The following SYNJ2 variants were observed in gnomAD, a reference collection of about 807,000 sequenced individuals.
SYNJ2 encodes polyphosphatidylinositol phosphatase SYNJ2.
A neutral mutation model predicts 141.3 loss-of-function variants in SYNJ2; 116 were observed. The ratio of observed to expected loss-of-function variants is 0.82; its 90% confidence interval spans 0.71 to 0.96. The LOEUF is 0.96. SYNJ2 is among the 40% of genes least tolerant of loss of function. The probability of loss-of-function intolerance (pLI) is 0.00; values close to 1 mark genes in which losing one functional copy is unlikely to be tolerated. For missense variants in SYNJ2, 1,873 were observed against 1,934.8 expected (o/e 0.97, Z 0.60); for synonymous variants, 745 against 777.7 (o/e 0.96, Z 0.70).
Position 158,081,203 on chromosome 6 carries a change from C to T in SYNJ2, c.2662C>T (p.Leu888=), listed in dbSNP as rs1367942678. 1.2e-6 allele frequency: 2 copies of T among 1,614,046 alleles called. No homozygotes were observed. The highest frequency in any genetic ancestry group is 4.5e-5 in the East Asian group (2 of 44,898). ...FQEVSSFQGP[L]DATVVVNLQS... is the part of the protein sequence containing the mutation. ...GGAAGTGTCCTCCTTCCAGGGCCCC[C>T]TGGATGCCACTGTTGTAGTAAACCT... The change falls in exon 19 of 27, where the codon CTG becomes TTG. Residue 888 remains leucine, a synonymous_variant. Transcript: ENST00000355585.
intron 7 of SYNJ2, chr6:158,059,561 T>C (rs1186129767): frequency 3.2e-5 from 26 of 818,278 alleles, no homozygotes; most frequent in East Asian, 2.6e-4. Context: ...CTTTTCTTTT[T>C]TTTTTTTTTT....
intron 2 of SYNJ2, among the ~76,000 whole-genome samples, chr6:158,021,021 C>G (rs1200255284): frequency 6.6e-6 from 1 of 152,168 alleles, no homozygotes; most frequent in Non-Finnish European, 1.5e-5. Context: ...CCGTGATTAG[C>G]CAGGGAGTCA....
chr6:158,016,782 C>T (rs1778476504), intron 1 of SYNJ2, among the ~76,000 whole-genome samples: 1 of 152,178 alleles, frequency 6.6e-6, no homozygotes, highest in East Asian at 1.9e-4. Context: ...TACTCAGGCA[C>T]CTCTGCCCAG....
chr6:157,997,026 C>T (rs79147239), intron 1 of SYNJ2, among the ~76,000 whole-genome samples: 3 of 132,624 alleles, frequency 2.3e-5, no homozygotes, highest in African/African-American at 9.1e-5. Flanking sequence ...CCACCTACCC[C>T]ACCCCCCCCC....
intron 6 of SYNJ2, 102 bp downstream of exon 6, chr6:158,055,130 T>C (rs1412661791): frequency 1.6e-6 from 2 of 1,226,790 alleles, no homozygotes; most frequent in Admixed American, 2.1e-5. Context: ...GGGAGGACCC[T>C]GAACCCTGAA....
intron 22 of SYNJ2, among the ~76,000 whole-genome samples, 169 bp from the exon 23 acceptor site, chr6:158,086,680 GCCCTCC>G (rs1432317287): frequency 1.3e-5 from 2 of 152,112 alleles, no homozygotes; most frequent in Admixed American, 6.5e-5. Flanking sequence ...GGCACTGGGT[GCCCTCC>G]CCGCCCCCGC....
intron 9 of SYNJ2, 75 bp downstream of exon 9, chr6:158,063,947 A>C (rs1013717114): frequency 1.3e-6 from 2 of 1,499,286 alleles, no homozygotes; most frequent in African/African-American, 2.8e-5. Context: ...TGGGCTGAGC[A>C]CCTTTAGCGG....
rs1779178963 is a variant in SYNJ2, at chr6:158,028,473, C to G, written c.215-283C>G. On this transcript the variant is annotated intron_variant, in intron 2 of 26. Transcript: ENST00000355585. Reference sequence around the variant, plus strand: ...AGGGCTTGTTAAAGCAAAGCTTGCCCCCAGCCTCAGGCAGCTGGGCGGCAG... The same window carrying G: ...AGGGCTTGTTAAAGCAAAGCTTGCCGCCAGCCTCAGGCAGCTGGGCGGCAG... The G allele has an allele frequency of 8.3e-6, 4 of 482,438 alleles. No homozygotes were observed. The Admixed American group carries it at 1.4e-4, about 16-fold the overall frequency. 29.9% of individuals were successfully genotyped at this position (482,438 alleles called of 1,614,324 possible).
intron 6 of SYNJ2, among the ~76,000 whole-genome samples, chr6:158,055,737 T>C (rs939305208): frequency 1.5e-4 from 23 of 152,336 alleles, no homozygotes; most frequent in East Asian, 9.6e-4. Context: ...TTTGAGTCCT[T>C]CTACCTGAAG....
intron 16 of SYNJ2, 92 bp downstream of exon 16, chr6:158,074,830 C>T (rs546364047): frequency 8.2e-6 from 12 of 1,459,966 alleles, no homozygotes; most frequent in African/African-American, 1.4e-5. Context: ...AATTCAGTTC[C>T]GTGAGTGGAT....
At position 158,088,781 on chromosome 6, in the gene SYNJ2, T is replaced by C. The variant is rs1171030261; in HGVS notation, c.3456+9T>C. The C allele has an allele frequency of 6.3e-7, 1 of 1,592,830 alleles. No homozygotes were observed. Among genetic ancestry groups the C allele is most frequent in the South Asian group, 1.1e-5 (1 of 90,672 alleles). ...GAGCACCTCAGCAACCTGTGAGTTC[T>C]TCTGCATACATTTCAATCCCAAGGG... On this transcript the variant is annotated intron_variant, in intron 24 of 26. Coordinates refer to ENST00000355585, the MANE Select transcript of SYNJ2 (RefSeq NM_003898.4).
In SYNJ2 at chr6:158,095,766, C is replaced by T. The variant is rs753310290; in HGVS notation, c.3893C>T (p.Ala1298Val). ...KPRTFQPGKA[A>V]ERPSHRKPAS... ...AGAACATTTCAGCCTGGGAAAGCTG[C>T]AGAGAGGCCAAGCCACAGGAAGCCA... is the stretch of plus-strand genomic sequence containing the variant. Residue 1298 changes from alanine (A) to valine (V), a missense_variant, in exon 27 of 27, where the codon GCA (alanine) becomes GTA (valine). Physicochemically the swap from Ala to Val is moderately conservative, Grantham distance 64. Coordinates refer to ENST00000355585, the MANE Select transcript of SYNJ2 (RefSeq NM_003898.4). 2.7e-5 allele frequency: 44 copies of T among 1,614,066 alleles called. No individual in the cohort carries two copies. In the South Asian group the frequency reaches 4.8e-4, roughly 18 times the overall value.
chr6:158,034,900 G>A (rs771435645), intron 4 of SYNJ2, among the ~76,000 whole-genome samples: 2 of 152,132 alleles, frequency 1.3e-5, no homozygotes, highest in African/African-American at 2.4e-5. Flanking sequence ...TCTGCATATG[G>A]CTAGCCAGTT....
chr6:158,083,185 G>A lies in SYNJ2; in HGVS notation c.2866-244G>A, dbSNP rs539338838. The stretch of plus-strand genomic sequence containing the variant: ...TGACCTCAAGGGATCTACCTGCTTC[G>A]GCCTCTCAGAGTGCTGGGATTACAG... On this transcript the variant is annotated intron_variant, in intron 20 of 26. Transcript: ENST00000355585. Among the ~76,000 whole-genome samples the A allele has an allele frequency of 1.5e-4, 23 of 152,142 alleles. 1 individual carries two copies. The South Asian group carries it at 4.2e-3, about 27-fold the overall frequency.
In SYNJ2 at chr6:158,086,918, C is replaced by G. The variant is rs1783078209; in HGVS notation, c.3272C>G (p.Ser1091Cys). 1 of 1,609,392 alleles carries G rather than the reference C, an allele frequency of 6.2e-7. No homozygotes were observed. ...GCCGTCGGGGAGTTCCGCCACCGTT[C>G]TCCGAGCAGGTCTCTGTCGGTCCCC... The part of the protein sequence containing the change: ...LEAVGEFRHR[S>C]PSRSLSVPNR... The change falls in exon 23 of 27, where the codon TCT (serine) becomes TGT (cysteine). Residue 1091 changes from serine to cysteine, a missense_variant. Physicochemically the swap from Ser to Cys is moderately radical, Grantham distance 112. Coordinates refer to ENST00000355585, the MANE Select transcript of SYNJ2 (RefSeq NM_003898.4).
At chr6:158,042,516 C>T (rs1780002743) in intron 4 of SYNJ2, among the ~76,000 whole-genome samples, 1 of 152,240 alleles carries the variant, frequency 6.6e-6, no homozygotes, top group Non-Finnish European at 1.5e-5. Flanking sequence ...AGATAAAGGC[C>T]CCGCATCTGA....
Position 158,084,229 on chromosome 6 carries a change from G to A in SYNJ2, c.3208+55G>A. On this transcript the variant is annotated intron_variant, in intron 22 of 26. Transcript: ENST00000355585. This position sits in a 1 kb window ranked among gnomAD's most constrained non-coding sequence, Gnocchi z 5.0. ...TCAGCGATGGAGTCAGCTCAGGACA[G>A]ACTTTCCTTTTTCTCTTGGCGATTG... 6 of 1,563,714 alleles carry A rather than the reference G, an allele frequency of 3.8e-6. No individual in the cohort carries two copies. The highest frequency in any genetic ancestry group is 5.2e-6 in the Non-Finnish European group (6 of 1,154,400).
intron 2 of SYNJ2, among the ~76,000 whole-genome samples, chr6:158,026,538 G>A (rs1322111020): frequency 6.6e-6 from 1 of 152,088 alleles, no homozygotes; most frequent in East Asian, 1.9e-4. Flanking sequence ...GGACCCAGGA[G>A]CCCCAGTGCT....
chr6:157,989,171 A>G (rs78033690), intron 1 of SYNJ2, among the ~76,000 whole-genome samples: 1,948 of 152,168 alleles, frequency 0.013, 36 homozygotes, highest in African/African-American at 0.045. Context: ...TTCACTGGTT[A>G]AATAAACTTT....
Sources: gnomAD v4.1 joint callset for allele counts (sites outside exome capture counted in the v4.1 genomes callset) on GRCh38, gnomAD v4.1.1 for gene constraint, Gnocchi (gnomAD v3.1) non-coding constraint, MANE v1.5 for transcripts, NCBI Gene and HGNC (gene_info 2026-07-23, HGNC 2026-07-21) for gene names.